Variants in ABCB11 observed in about 807,000 individuals in gnomAD.
ABCB11 encodes the protein ATP binding cassette subfamily B member 11.
ABCB11 carries 95 observed loss-of-function variants against 148.0 expected under a neutral mutation model. The observed-to-expected ratio is 0.64, with a 90% CI of 0.54 to 0.76. ABCB11 has a LOEUF of 0.76. Ranked by LOEUF, ABCB11 falls within the 30% of genes least tolerant of loss-of-function variation. The pLI is 0.00. For synonymous variants in ABCB11, 591 were observed against 555.4 expected (o/e 1.06, Z -0.90); for missense variants, 1,523 against 1,617.8 (o/e 0.94, Z 1.01).
intron 10 of ABCB11, among the ~76,000 whole-genome samples, chr2:168,983,945 G>A (rs1694224323): frequency 6.6e-6 from 1 of 152,058 alleles, no homozygotes; most frequent in African/African-American, 2.4e-5. Flanking sequence ...CTGTCTGAGG[G>A]TAGAAACGGG....
At chr2:168,973,961 C>T in intron 12 of ABCB11, 121 bp from the exon 13 acceptor site, 1 of 1,108,610 alleles carries the variant, frequency 9.0e-7, no homozygotes, top group Admixed American at 2.4e-5. Flanking sequence ...TTATGTATGC[C>T]CCCAAAGCAA....
At position 169,017,865 on chromosome 2, in the gene ABCB11, C is replaced by T. The variant is rs1234394211; in HGVS notation, c.76+185G>A. On this transcript the variant is annotated intron_variant, in intron 2 of 27. Transcript: ENST00000650372. ...ACACTTGGTGTGTTCTTACCTAGTGCTTTCAGATATTACGTTACATGGATT... is the reference window on the plus strand; with the variant it reads ...ACACTTGGTGTGTTCTTACCTAGTGTTTTCAGATATTACGTTACATGGATT... 12 of 759,796 alleles carry T rather than the reference C, an allele frequency of 1.6e-5. 1 individual carries two copies. Among genetic ancestry groups the T allele is most frequent in the Middle Eastern group, 2.3e-4 (1 of 4,406 alleles). 47.1% of individuals were successfully genotyped at this position (759,796 alleles called of 1,614,324 possible). A position where few individuals can be genotyped will look rare whatever the true frequency, so the allele number is the denominator to read the frequency against.
chr2:168,944,919 T>C lies in ABCB11; in HGVS notation c.2386A>G (p.Asn796Asp), dbSNP rs1200898580. 5 of 1,572,390 alleles carry C rather than the reference T, an allele frequency of 3.2e-6. No individual in the cohort carries two copies. Among genetic ancestry groups the C allele is most frequent in the Non-Finnish European group, 4.3e-6 (5 of 1,157,184 alleles). The change falls in exon 20 of 28, where the codon AAT becomes GAT. Residue 796 changes from asparagine to aspartate, a missense_variant. Asn to Asp is a conservative substitution (Grantham distance 23). Transcript: ENST00000650372. ...GCTACAAAAAGTAGGCACACACCAT[T>C]GATCTGTGACCTTTGTTCCTCTTTA... ...PDKEEQRSQI[N>D]GVCLLFVAMG...
intron 19 of ABCB11, among the ~76,000 whole-genome samples, chr2:168,954,992 T>C (rs185785494): frequency 6.9e-4 from 104 of 151,772 alleles, no homozygotes; most frequent in African/African-American, 2.5e-3. Flanking sequence ...AAAAGACATG[T>C]GTTCAAGTTC....
chr2:168,957,873 G>A, intron 19 of ABCB11, 91 bp downstream of exon 19: 1 of 1,211,418 alleles, frequency 8.3e-7, no homozygotes, highest in South Asian at 2.4e-5. Context: ...TAACAGAAAA[G>A]AGCTAAATAC....
rs551095494 is a variant in ABCB11 at position 169,012,912 on chromosome 2, TG to T, written c.389+359del. 4.0e-5 allele frequency among the ~76,000 whole-genome samples: 6 copies of T among 151,528 alleles called. No homozygotes were observed. In the South Asian group the frequency reaches 6.3e-4, roughly 16 times the overall value. The stretch of plus-strand genomic sequence containing the variant: ...AAGCTAAGGGGCAGAGGGGAGTTGG[TG>T]GGGGGGAAAAATAGAACTCTTGGAG... On this transcript the variant is annotated intron_variant, in intron 5 of 27. Coordinates refer to ENST00000650372, the MANE Select transcript of ABCB11 (RefSeq NM_003742.4).
At chr2:169,016,931 T>G in intron 2 of ABCB11, 132 bp from the exon 3 acceptor site, 1 of 687,698 alleles carries the variant, frequency 1.5e-6, no homozygotes, top group Non-Finnish European at 2.6e-6. Flanking sequence ...AGCAAATGAC[T>G]ATTTGCCTTT....
rs1692234660 is a variant in ABCB11 at position 168,944,957 on chromosome 2, A to T, written c.2348T>A (p.Phe783Tyr). The T allele has an allele frequency of 6.5e-7, 1 of 1,535,368 alleles. No individual in the cohort carries two copies. The highest frequency in any genetic ancestry group is 8.8e-7 in the Non-Finnish European group (1 of 1,139,360). The change falls in exon 20 of 28, where the codon TTT becomes TAT. Residue 783 changes from phenylalanine (F) to tyrosine (Y), a missense_variant. Coordinates refer to ENST00000650372, the MANE Select transcript of ABCB11 (RefSeq NM_003742.4). Reference sequence around the variant, plus strand: ...TTGTTCCTCTTTATCAGGAATTGAAAAAGTCTTGGAAAGATAGTAAACAAG... The same window carrying T: ...TTGTTCCTCTTTATCAGGAATTGAATAAGTCTTGGAAAGATAGTAAACAAG... The part of the protein sequence containing the change: ...AFLFSQILGT[F>Y]SIPDKEEQRS...
chr2:168,989,081 G>T (rs1449744930), intron 9 of ABCB11, among the ~76,000 whole-genome samples: 2 of 151,770 alleles, frequency 1.3e-5, no homozygotes, highest in Non-Finnish European at 2.9e-5. Flanking sequence ...TCTATAAATT[G>T]CCTCTTCACT....
intron 9 of ABCB11, among the ~76,000 whole-genome samples, chr2:168,988,274 G>T (rs1250010551): frequency 2.0e-5 from 3 of 151,948 alleles, no homozygotes; most frequent in Non-Finnish European, 2.9e-5. Flanking sequence ...GTTCTCGCCT[G>T]CCCCCTCCCA....
intron 21 of ABCB11, among the ~76,000 whole-genome samples, chr2:168,941,747 G>A (rs909003537): frequency 2.0e-5 from 3 of 151,976 alleles, no homozygotes; most frequent in Non-Finnish European, 4.4e-5. Context: ...CAATTGATGA[G>A]GCAAACTTCA....
chr2:168,960,299 G>A (rs1444638677), intron 18 of ABCB11, among the ~76,000 whole-genome samples: 1 of 151,698 alleles, frequency 6.6e-6, no homozygotes, highest in Non-Finnish European at 1.5e-5. Flanking sequence ...TATAATGTAT[G>A]TTTTAGATGT....
rs1004987845 is a variant in ABCB11, at chr2:168,963,380, G to C, written c.2178+826C>G. On this transcript the variant is annotated intron_variant, in intron 18 of 27. Coordinates refer to ENST00000650372, the MANE Select transcript of ABCB11 (RefSeq NM_003742.4). ...ATAAGTCAACATGACTTTGATTAAG[G>C]CTCAATAAGAAAATTGCCATGAAAA... is the stretch of plus-strand genomic sequence containing the variant. Among the ~76,000 whole-genome samples the C allele has an allele frequency of 5.9e-5, 9 of 151,654 alleles. No homozygotes were observed. In the South Asian group the frequency reaches 1.4e-3, roughly 24 times the overall value.
At position 169,006,550 on chromosome 2, in the gene ABCB11, C is replaced by T. The variant is rs72623184; in HGVS notation, c.389+6722G>A. ...GGAGGTTTGGGCCAAAACAATTAGG[C>T]AATAAGATAAAATAAAATAAAATAA... On this transcript the variant is annotated intron_variant, in intron 5 of 27. Coordinates refer to ENST00000650372, the MANE Select transcript of ABCB11 (RefSeq NM_003742.4). 0.015 allele frequency among the ~76,000 whole-genome samples: 2,250 copies of T among 146,608 alleles called. 240 individuals carry two copies. The East Asian group carries it at 0.29, about 19-fold the overall frequency.
chr2:168,958,082 C>CTA lies in ABCB11; in HGVS notation c.2223_2224dup (p.Arg742IlefsTer5). The CTA allele has an allele frequency of 6.2e-7, 1 of 1,611,272 alleles. No individual in the cohort carries two copies. Among genetic ancestry groups the CTA allele is most frequent in the Non-Finnish European group, 8.5e-7 (1 of 1,178,184 alleles). On this transcript the variant is annotated frameshift_variant, in exon 19 of 28. Transcript: ENST00000650372. LOFTEE classifies it high-confidence loss of function. ...TGGAGCACTGAATTTCAGAATCCTC[C>CTA]TAACTGGGGCAGGTTCAACTTCTTC...
intron 10 of ABCB11, among the ~76,000 whole-genome samples, chr2:168,982,498 AC>A (rs2105989504): frequency 6.6e-6 from 1 of 152,122 alleles, no homozygotes; most frequent in African/African-American, 2.4e-5. Flanking sequence ...TGAAAGAACA[AC>A]CTTCTGCACC....
At chr2:168,982,133 G>A (rs1327513474) in intron 10 of ABCB11, among the ~76,000 whole-genome samples, 1 of 152,096 alleles carries the variant, frequency 6.6e-6, no homozygotes, top group Non-Finnish European at 1.5e-5. Flanking sequence ...CAGAGAGATG[G>A]GAAGGGAGAC....
intron 10 of ABCB11, among the ~76,000 whole-genome samples, chr2:168,985,530 C>T (rs1324128516): frequency 1.3e-5 from 2 of 151,772 alleles, no homozygotes; most frequent in Non-Finnish European, 2.9e-5. Context: ...GATAAAGAAA[C>T]TGTGATATAT....
At chr2:168,984,221 C>T (rs1166712039) in intron 10 of ABCB11, among the ~76,000 whole-genome samples, 1 of 152,120 alleles carries the variant, frequency 6.6e-6, no homozygotes, top group Non-Finnish European at 1.5e-5. Context: ...CTGCTATTCA[C>T]TGTCAAGGTT....
Sources: allele counts gnomAD v4.1 joint callset (sites outside exome capture counted in the v4.1 genomes callset), GRCh38; gene constraint gnomAD v4.1.1; transcripts MANE v1.5; gene names NCBI Gene and HGNC (gene_info 2026-07-23, HGNC 2026-07-21).